Variants in NBEA observed in about 807,000 individuals in gnomAD.
NBEA encodes the protein lysosomal-trafficking regulator 2.
Under a neutral mutation model 343.4 loss-of-function variants are expected in NBEA, and 44 were observed. The ratio of observed to expected loss-of-function variants is 0.13; its 90% CI spans 0.10 to 0.16. The LOEUF is 0.16. Among genes scored for constraint, NBEA ranks in the 10% least tolerant of loss-of-function variants. The pLI, the probability that NBEA is intolerant of heterozygous loss-of-function variation, is 1.00. For synonymous variants in NBEA, 1,175 were observed against 1,238.7 expected, an observed-to-expected ratio of 0.95 and a Z score of 1.08; for missense variants, 2,555 against 3,631.3, an observed-to-expected ratio of 0.70 and a Z score of 7.62.
At chr13:35,343,636 G>A (rs950521677) in intron 36 of NBEA, among the ~76,000 whole-genome samples, 4 of 152,040 alleles carry the variant, frequency 2.6e-5, no homozygotes, top group African/African-American at 4.8e-5. Flanking sequence ...TGGCATCACC[G>A]CCTGAGCTCC....
intron 34 of NBEA, among the ~76,000 whole-genome samples, chr13:35,237,872 G>T (rs928103314): frequency 1.3e-5 from 2 of 151,232 alleles, no homozygotes; most frequent in East Asian, 3.9e-4. Flanking sequence ...TTTTATTGTC[G>T]GTGTCCTTTC....
intron 45 of NBEA, among the ~76,000 whole-genome samples, chr13:35,568,326 G>T (rs1416265014): frequency 6.6e-6 from 1 of 152,090 alleles, no homozygotes; most frequent in Non-Finnish European, 1.5e-5. Context: ...AGATCAGTTA[G>T]CCAACATCTT....
chr13:35,027,138 G>A (rs1208264619), intron 1 of NBEA, among the ~76,000 whole-genome samples: 1 of 151,918 alleles, frequency 6.6e-6, no homozygotes, highest in Admixed American at 6.6e-5. Flanking sequence ...AGTTCATTTA[G>A]CCATGTACTT....
chr13:35,587,291 G>A (rs776990262), intron 46 of NBEA, among the ~76,000 whole-genome samples: 12 of 152,164 alleles, frequency 7.9e-5, no homozygotes, highest in Non-Finnish European at 1.6e-4. Flanking sequence ...TATTTCTTAA[G>A]CTACACAGTC....
chr13:35,069,838 T>G lies in NBEA; in HGVS notation c.1240-70T>G. 4.5e-6 allele frequency: 5 copies of G among 1,108,268 alleles called. No individual in the cohort carries two copies. In the South Asian group the frequency reaches 7.4e-5, roughly 16 times the overall value. The allele number at this position is 1,108,268 out of a possible 1,614,324, so 68.7% of individuals were successfully genotyped here. On this transcript the variant is annotated intron_variant, in intron 8 of 58. Coordinates refer to ENST00000379939, the MANE Select transcript of NBEA (RefSeq NM_001385012.1). The stretch of plus-strand genomic sequence containing the variant: ...AGTAGTTTATTATTGTAAATGTTTC[T>G]CTGCTTTAAAACTTTTGAGTGTAAT...
At chr13:35,603,779 A>G (rs1001077185) in intron 47 of NBEA, among the ~76,000 whole-genome samples, 10 of 152,108 alleles carry the variant, frequency 6.6e-5, no homozygotes, top group African/African-American at 2.4e-4. Context: ...CTCCCAACCG[A>G]GCAGCTGCAC....
Position 35,159,976 on chromosome 13 carries a change from G to A in NBEA, c.3805G>A (p.Asp1269Asn), listed in dbSNP as rs981913263. The A allele has an allele frequency of 5.0e-6, 8 of 1,593,902 alleles. No homozygotes were observed. The South Asian group carries it at 5.7e-5, about 11-fold the overall frequency. The change falls in exon 22 of 59, where the codon GAT (aspartate) becomes AAT (asparagine). Residue 1269 changes from aspartate to asparagine, a missense_variant. By Grantham distance (23) the Asp-to-Asn change is conservative. Coordinates refer to ENST00000379939, the MANE Select transcript of NBEA (RefSeq NM_001385012.1). Reference sequence around the variant, plus strand: ...AATTTCAGATACTGAAAGGTCTGACGATGGCAAAGAATCAGGAAAAGAAAT... The same window carrying A: ...AATTTCAGATACTGAAAGGTCTGACAATGGCAAAGAATCAGGAAAAGAAAT... ...SIISDTERSD[D>N]GKESGKEIRK...
intron 38 of NBEA, among the ~76,000 whole-genome samples, chr13:35,407,915 T>C (rs2043359559): frequency 6.6e-6 from 1 of 152,142 alleles, no homozygotes; most frequent in Admixed American, 6.6e-5. Context: ...AGAATCAATA[T>C]CATTAAAATG....
chr13:35,028,459 T>C (rs2062088990), intron 1 of NBEA, among the ~76,000 whole-genome samples: 1 of 151,872 alleles, frequency 6.6e-6, no homozygotes, highest in Non-Finnish European at 1.5e-5. Flanking sequence ...TGTTCCCTGA[T>C]AGTATATAGA....
intron 33 of NBEA, among the ~76,000 whole-genome samples, chr13:35,229,788 C>T (rs891206898): frequency 6.6e-6 from 1 of 151,992 alleles, no homozygotes; most frequent in Non-Finnish European, 1.5e-5. Context: ...GTACCATTTT[C>T]TTTCAGAATT....
chr13:35,074,328 T>G (rs1275409578), intron 10 of NBEA, among the ~76,000 whole-genome samples: 2 of 152,200 alleles, frequency 1.3e-5, no homozygotes, highest in Non-Finnish European at 2.9e-5. Context: ...GTACATATTT[T>G]TCTTACATTG....
intron 36 of NBEA, among the ~76,000 whole-genome samples, chr13:35,333,336 T>A (rs1317129825): frequency 6.6e-6 from 1 of 152,122 alleles, no homozygotes; most frequent in African/African-American, 2.4e-5. Flanking sequence ...GGAAAAAAGA[T>A]GTTTATTGAT....
At chr13:35,554,759 G>A (rs1026135202) in intron 43 of NBEA, among the ~76,000 whole-genome samples, 19 of 152,080 alleles carry the variant, frequency 1.2e-4, no homozygotes, top group African/African-American at 4.3e-4. Context: ...GACAAATAAG[G>A]TTGCTTTCAA....
chr13:35,577,257 G>T (rs1218887412), intron 45 of NBEA, among the ~76,000 whole-genome samples: 1 of 152,118 alleles, frequency 6.6e-6, no homozygotes, highest in South Asian at 2.1e-4. Flanking sequence ...ATGATTGACA[G>T]GTCTAGATCC....
At chr13:35,502,039 CAG>C (rs2076910173) in intron 41 of NBEA, among the ~76,000 whole-genome samples, 1 of 152,046 alleles carries the variant, frequency 6.6e-6, no homozygotes, top group Non-Finnish European at 1.5e-5. Flanking sequence ...AGTGAAACAG[CAG>C]AGAGAGCTCA....
intron 18 of NBEA, among the ~76,000 whole-genome samples, chr13:35,153,674 T>G (rs1388507700): frequency 1.3e-5 from 2 of 152,232 alleles, no homozygotes; most frequent in African/African-American, 4.8e-5. Flanking sequence ...TGTTAGATGA[T>G]AAAGTAGGGA....
chr13:35,465,075 T>C (rs1172101282), intron 40 of NBEA, among the ~76,000 whole-genome samples: 3 of 152,166 alleles, frequency 2.0e-5, no homozygotes, highest in Admixed American at 1.3e-4. Flanking sequence ...AATTACATTA[T>C]AACTCTCATT....
intron 41 of NBEA, among the ~76,000 whole-genome samples, chr13:35,496,575 A>G (rs541814469): frequency 6.7e-6 from 1 of 148,594 alleles, no homozygotes; most frequent in Admixed American, 6.8e-5. Flanking sequence ...TTGAGGCTGC[A>G]GTGAGCGATA....
At chr13:35,241,331 G>A (rs1439095968) in intron 34 of NBEA, among the ~76,000 whole-genome samples, 3 of 151,726 alleles carry the variant, frequency 2.0e-5, no homozygotes, top group Non-Finnish European at 3.0e-5. Context: ...GGAGAAATAC[G>A]TGAACAGTGG....
Sources: allele counts gnomAD v4.1 joint callset (sites outside exome capture counted in the v4.1 genomes callset), GRCh38; gene constraint gnomAD v4.1.1; transcripts MANE v1.5; gene names NCBI Gene and HGNC (gene_info 2026-07-23, HGNC 2026-07-21).